The following PRTFDC1 variants were observed in gnomAD, a reference collection of about 807,000 sequenced individuals.
PRTFDC1 encodes the protein phosphoribosyltransferase domain-containing protein 1.
In PRTFDC1, 38 loss-of-function variants were observed where a neutral mutation model predicts 34.6. The ratio of observed to expected loss-of-function variants is 1.10; its 90% CI spans 0.85 to 1.44. The LOEUF (loss-of-function observed/expected upper bound fraction) is 1.44, where lower values mean the gene tolerates loss of function less well. Among genes scored for constraint, PRTFDC1 ranks in the 40% most tolerant of loss-of-function variants. The pLI, the probability that PRTFDC1 is intolerant of heterozygous loss-of-function variation, is 0.00. For synonymous variants in PRTFDC1, 93 were observed against 98.1 expected (o/e 0.95, Z 0.31); for missense variants, 270 against 283.0 (o/e 0.95, Z 0.33).
At chr10:24,945,374 T>C (rs1045467269) in intron 1 of PRTFDC1, among the ~76,000 whole-genome samples, 1 of 152,212 alleles carries the variant, frequency 6.6e-6, no homozygotes, top group Non-Finnish European at 1.5e-5. Flanking sequence ...CTCCTTGTGA[T>C]AAAGAGCACC....
chr10:24,899,421 G>T (rs1848417026), intron 3 of PRTFDC1, among the ~76,000 whole-genome samples: 1 of 152,268 alleles, frequency 6.6e-6, no homozygotes, highest in African/African-American at 2.4e-5. Context: ...CTGGATTGGG[G>T]TTATACGCTT....
intron 4 of PRTFDC1, among the ~76,000 whole-genome samples, chr10:24,860,889 T>G (rs370972569): frequency 6.6e-6 from 1 of 152,218 alleles, no homozygotes; most frequent in East Asian, 1.9e-4. Context: ...TTGGAGAATG[T>G]TGTGGTTAAT....
intron 4 of PRTFDC1, among the ~76,000 whole-genome samples, chr10:24,868,640 T>C (rs1029316967): frequency 2.6e-5 from 4 of 152,050 alleles, no homozygotes; most frequent in African/African-American, 9.7e-5. Flanking sequence ...ATTTCTTTTG[T>C]AGAGACACAG....
At chr10:24,850,318 G>A (rs183091484) in intron 8 of PRTFDC1, among the ~76,000 whole-genome samples, 5 of 152,250 alleles carry the variant, frequency 3.3e-5, no homozygotes, top group Non-Finnish European at 5.9e-5. Context: ...CAGAAATGGG[G>A]CCAGGCTAAT....
intron 2 of PRTFDC1, among the ~76,000 whole-genome samples, chr10:24,941,757 A>AATTT (rs1225330172): frequency 8.5e-5 from 13 of 152,302 alleles, no homozygotes; most frequent in Non-Finnish European, 1.8e-4. Flanking sequence ...TTAAATTAGG[A>AATTT]GCTTCCCAAA....
chr10:24,903,810 C>T (rs969932423), intron 3 of PRTFDC1, among the ~76,000 whole-genome samples: 1 of 151,224 alleles, frequency 6.6e-6, no homozygotes, highest in Admixed American at 6.6e-5. Context: ...GTAGCTGGGA[C>T]TACAAGCGAA....
chr10:24,909,253 C>T (rs1848588764), intron 3 of PRTFDC1, among the ~76,000 whole-genome samples: 1 of 152,156 alleles, frequency 6.6e-6, no homozygotes, highest in Admixed American at 6.5e-5. Context: ...TGCACTCCAG[C>T]CTGAGCAACA....
chr10:24,874,275 T>C (rs765576614), intron 3 of PRTFDC1, among the ~76,000 whole-genome samples: 1 of 152,112 alleles, frequency 6.6e-6, no homozygotes, highest in Non-Finnish European at 1.5e-5. Context: ...AATTTACAGA[T>C]GTTTTGCTGT....
intron 3 of PRTFDC1, among the ~76,000 whole-genome samples, chr10:24,931,913 G>A (rs200768188): frequency 1.2e-4 from 16 of 132,286 alleles, no homozygotes; most frequent in African/African-American, 1.2e-4. Flanking sequence ...GGCACTATAA[G>A]AAAAAAAAAA....
At chr10:24,911,723 CG>C (rs1232758796) in intron 3 of PRTFDC1, among the ~76,000 whole-genome samples, 5 of 151,546 alleles carry the variant, frequency 3.3e-5, no homozygotes, top group African/African-American at 1.2e-4. Flanking sequence ...AAAAATTAGC[CG>C]GGTATGGTGG....
intron 3 of PRTFDC1, among the ~76,000 whole-genome samples, chr10:24,886,237 G>GAAATC (rs112354693): frequency 0.087 from 13,215 of 152,186 alleles, 1,281 homozygotes; most frequent in African/African-American, 0.24. Context: ...GGCTATATGA[G>GAAATC]AAATCCTGTA....
intron 3 of PRTFDC1, among the ~76,000 whole-genome samples, chr10:24,897,560 A>C (rs1848387482): frequency 6.6e-6 from 1 of 152,184 alleles, no homozygotes; most frequent in African/African-American, 2.4e-5. Context: ...TGAGGCCTTC[A>C]GGGGAGTGAT....
intron 1 of PRTFDC1, among the ~76,000 whole-genome samples, chr10:24,945,225 T>C (rs1202101164): frequency 6.6e-6 from 1 of 152,226 alleles, no homozygotes; most frequent in African/African-American, 2.4e-5. Context: ...TCTGATTCAT[T>C]GTTGAATCCC....
At chr10:24,924,019 T>C (rs1335309606) in intron 3 of PRTFDC1, among the ~76,000 whole-genome samples, 1 of 152,148 alleles carries the variant, frequency 6.6e-6, no homozygotes, top group Non-Finnish European at 1.5e-5. Context: ...CAAGCTTCAA[T>C]AGCTGATTCG....
chr10:24,886,396 G>T (rs1588592129), intron 3 of PRTFDC1, among the ~76,000 whole-genome samples: 1 of 152,190 alleles, frequency 6.6e-6, no homozygotes, highest in African/African-American at 2.4e-5. Context: ...CAGCTGGGAA[G>T]TGATGTTGCT....
intron 5 of PRTFDC1, among the ~76,000 whole-genome samples, chr10:24,857,832 T>C (rs547469234): frequency 6.6e-6 from 1 of 152,278 alleles, no homozygotes; most frequent in Non-Finnish European, 1.5e-5. Flanking sequence ...ATTAGTCCAC[T>C]ACTGCCATAG....
intron 3 of PRTFDC1, among the ~76,000 whole-genome samples, chr10:24,884,581 A>G (rs1292915143): frequency 2.6e-5 from 4 of 152,182 alleles, no homozygotes; most frequent in Non-Finnish European, 5.9e-5. Flanking sequence ...TAAGACATTT[A>G]TTGTTGCTGT....
chr10:24,917,917 A>T lies in PRTFDC1; in HGVS notation c.339+19267T>A, dbSNP rs142938100. On this transcript the variant is annotated intron_variant, in intron 3 of 8. Transcript: ENST00000320152. ...GATGGTCTCAGAATCTCATATAAAA[A>T]GTTTAGCTGGATCTCCCCAGGCCTC... 1.7e-3 allele frequency among the ~76,000 whole-genome samples: 264 copies of T among 152,340 alleles called. 1 individual carries two copies. The highest frequency in any genetic ancestry group is 6.3e-3 in the African/African-American group (261 of 41,582).
chr10:24,908,646 C>A (rs745955235), intron 3 of PRTFDC1: 2 of 1,611,502 alleles, frequency 1.2e-6, no homozygotes, highest in South Asian at 2.2e-5. Flanking sequence ...GCCAGTCCTC[C>A]TCTATCACAG....
Sources: gnomAD v4.1 joint callset for allele counts (sites outside exome capture counted in the v4.1 genomes callset) on GRCh38, gnomAD v4.1.1 for gene constraint, MANE v1.5 for transcripts, NCBI Gene and HGNC (gene_info 2026-07-23, HGNC 2026-07-21) for gene names.